The following FRMPD1 variants were observed in gnomAD, a reference collection of about 807,000 sequenced individuals.
FRMPD1 encodes the protein FERM and PDZ domain-containing protein 1.
Under a neutral mutation model 117.8 loss-of-function variants are expected in FRMPD1, and 76 were observed. The ratio of observed to expected loss-of-function variants is 0.65; its 90% CI spans 0.54 to 0.78. The LOEUF (loss-of-function observed/expected upper bound fraction) is 0.78, where lower values mean the gene tolerates loss of function less well. FRMPD1 is among the 30% of genes least tolerant of loss of function. The pLI is 0.00. For synonymous variants in FRMPD1, 783 were observed against 770.4 expected, an observed-to-expected ratio of 1.02 and a Z score of -0.27; for missense variants, 1,786 against 1,964.5, an observed-to-expected ratio of 0.91 and a Z score of 1.72.
At chr9:37,655,746 A>G (rs921487092) in intron 1 of FRMPD1, among the ~76,000 whole-genome samples, 1 of 150,602 alleles carries the variant, frequency 6.6e-6, no homozygotes, top group East Asian at 1.9e-4. Flanking sequence ...CTTGTGATCC[A>G]CCCGCCTCGG....
At chr9:37,669,918 G>C (rs1821290974) in intron 1 of FRMPD1, 1 of 151,876 alleles carries the variant, frequency 6.6e-6, no homozygotes, top group Non-Finnish European at 1.5e-5. Context: ...GCTTGAACCC[G>C]GGAGGCGGAG....
At position 37,719,057 on chromosome 9, in the gene FRMPD1, A is replaced by G. The variant is rs775848929; in HGVS notation, c.409-12A>G. On this transcript the variant is annotated splice_polypyrimidine_tract_variant and intron_variant, in intron 5 of 15. Transcript: ENST00000377765. ...GCACTGTTCCAAAATGCATCATGTT[A>G]CTGTTTTTCAGGGAGTCCCTAAATC... 5 of 1,498,548 alleles carry G rather than the reference A, an allele frequency of 3.3e-6. No homozygotes were observed. Among genetic ancestry groups the G allele is most frequent in the Non-Finnish European group, 4.7e-6 (5 of 1,074,320 alleles). The allele number at this position is 1,498,548 out of a possible 1,614,324, so 92.8% of individuals were successfully genotyped here.
At chr9:37,706,771 A>T (rs538103068) in intron 2 of FRMPD1, among the ~76,000 whole-genome samples, 3 of 152,324 alleles carry the variant, frequency 2.0e-5, no homozygotes, top group Non-Finnish European at 2.9e-5. Context: ...ACAAAGAAAA[A>T]CATCACCAAA....
intron 5 of FRMPD1, among the ~76,000 whole-genome samples, chr9:37,717,412 C>T (rs1823193533): frequency 7.3e-6 from 1 of 136,158 alleles, no homozygotes; most frequent in Admixed American, 7.6e-5. Flanking sequence ...TGTAGTCTTC[C>T]TCTGTCATCC....
chr9:37,673,878 G>T (rs1056306156), intron 1 of FRMPD1, among the ~76,000 whole-genome samples: 1 of 152,244 alleles, frequency 6.6e-6, no homozygotes, highest in African/African-American at 2.4e-5. Context: ...ACACAGCAGG[G>T]GCACCCTGTG....
chr9:37,706,807 C>A (rs968482385), intron 2 of FRMPD1, among the ~76,000 whole-genome samples: 1 of 152,100 alleles, frequency 6.6e-6, no homozygotes, highest in South Asian at 2.1e-4. Flanking sequence ...TAAAATTATC[C>A]GTCATCAAAC....
chr9:37,740,226 T>G lies in FRMPD1; in HGVS notation c.1698T>G (p.Pro566=). ...EEQPPGNSPT[P]EVARRGPSTC... is the part of the protein sequence containing the mutation. ...AGCCTCCTGGGAACAGCCCCACACC[T>G]GAGGTGGCTAGGAGGGGCCCCAGCA... is the stretch of plus-strand genomic sequence containing the variant. The change falls in exon 15 of 16, where the codon CCT becomes CCG. Residue 566 remains proline, a synonymous_variant. Transcript: ENST00000377765. The surrounding 1 kb of genome is among the most constrained non-coding windows in gnomAD (Gnocchi z 4.2). The G allele has an allele frequency of 6.2e-7, 1 of 1,613,838 alleles. No homozygotes were observed. Among genetic ancestry groups the G allele is most frequent in the South Asian group, 1.1e-5 (1 of 91,076 alleles).
chr9:37,628,468 G>A, the FRMPD1 span, among the ~76,000 whole-genome samples: 1 of 152,160 alleles, frequency 6.6e-6, no homozygotes, highest in African/African-American at 2.4e-5. Context: ...GAAAGGAGGA[G>A]GAGGAGGAAA....
At chr9:37,699,321 C>CTCTTT (rs778478529) in intron 2 of FRMPD1, among the ~76,000 whole-genome samples, 4 of 137,962 alleles carry the variant, frequency 2.9e-5, no homozygotes, top group Non-Finnish European at 4.7e-5. Context: ...CTGTCTCTCT[C>CTCTTT]TTTTTTTTTT....
the FRMPD1 span, among the ~76,000 whole-genome samples, chr9:37,613,086 C>A: frequency 1.3e-5 from 2 of 152,180 alleles, no homozygotes; most frequent in Non-Finnish European, 2.9e-5. Context: ...GGTGATTTTT[C>A]ATTTTCAAAA....
chr9:37,628,261 C>T, the FRMPD1 span, among the ~76,000 whole-genome samples: 44 of 152,300 alleles, frequency 2.9e-4, no homozygotes, highest in East Asian at 6.9e-3. Context: ...CCAATACTTC[C>T]AGCCCTAGGT....
intron 1 of FRMPD1, among the ~76,000 whole-genome samples, chr9:37,670,913 G>A (rs1244477585): frequency 6.6e-6 from 1 of 152,194 alleles, no homozygotes; most frequent in South Asian, 2.1e-4. Context: ...AGCATCCAGG[G>A]CATAGTTTAT....
chr9:37,694,526 C>T (rs6476658), intron 2 of FRMPD1, among the ~76,000 whole-genome samples: 52,515 of 152,034 alleles, frequency 0.35, 9,715 homozygotes, highest in Non-Finnish European at 0.43. Flanking sequence ...CCTCTGCCAG[C>T]CCCAGGTAAC....
At chr9:37,621,016 A>G in the FRMPD1 span, among the ~76,000 whole-genome samples, 1 of 152,218 alleles carries the variant, frequency 6.6e-6, no homozygotes, top group Non-Finnish European at 1.5e-5. Flanking sequence ...ATTTTTGTAT[A>G]GAAAATAAAA....
At chr9:37,664,703 C>T (rs905361004) in intron 1 of FRMPD1, among the ~76,000 whole-genome samples, 7 of 151,970 alleles carry the variant, frequency 4.6e-5, no homozygotes, top group Admixed American at 2.0e-4. Context: ...ACTAAACATT[C>T]GGGGAAAAAC....
chr9:37,683,017 T>A (rs2117942853), intron 1 of FRMPD1, among the ~76,000 whole-genome samples: 1 of 152,316 alleles, frequency 6.6e-6, no homozygotes, highest in Non-Finnish European at 1.5e-5. Context: ...AGACATCTCT[T>A]ACCCATTAGC....
At chr9:37,708,181 T>C (rs1415735678) in intron 3 of FRMPD1, among the ~76,000 whole-genome samples, 1 of 152,226 alleles carries the variant, frequency 6.6e-6, no homozygotes, top group Non-Finnish European at 1.5e-5. Context: ...GACAGTCTTC[T>C]AACATCCCTG....
In FRMPD1 at chr9:37,733,555, T is replaced by C; in HGVS notation, c.1078T>C (p.Phe360Leu). The change falls in exon 11 of 16, where the codon TTC becomes CTC. Residue 360 changes from phenylalanine (F) to leucine (L), a missense_variant. Transcript: ENST00000377765. Reference sequence around the variant, plus strand: ...CAAAGACATCAAGAAAGCCATTAGCTTCCACATGAAGAGGAACCAGAATTT... The same window carrying C: ...CAAAGACATCAAGAAAGCCATTAGCCTCCACATGAAGAGGAACCAGAATTT... ...KGKDIKKAIS[F>L]HMKRNQNLLE... The C allele has an allele frequency of 6.2e-7, 1 of 1,613,990 alleles. No homozygotes were observed. Among genetic ancestry groups the C allele is most frequent in the Non-Finnish European group, 8.5e-7 (1 of 1,179,888 alleles).
At chr9:37,693,073 C>G (rs1588933203) in intron 2 of FRMPD1, 1 of 299,486 alleles carries the variant, frequency 3.3e-6, no homozygotes, top group East Asian at 6.4e-5. Context: ...GGAGCACACA[C>G]TCATACATAC....
Sources: gnomAD v4.1 joint callset for allele counts (sites outside exome capture counted in the v4.1 genomes callset) on GRCh38, gnomAD v4.1.1 for gene constraint, Gnocchi (gnomAD v3.1) non-coding constraint, MANE v1.5 for transcripts, NCBI Gene and HGNC (gene_info 2026-07-23, HGNC 2026-07-21) for gene names.